Variants in RAB3C observed in about 807,000 individuals in gnomAD.
RAB3C encodes RAB3C, member RAS oncogene family.
RAB3C carries 17 observed loss-of-function variants against 26.4 expected under a neutral mutation model. That is an observed-to-expected ratio of 0.64 (90% CI 0.44 to 0.97). The LOEUF (loss-of-function observed/expected upper bound fraction) is 0.97, where lower values mean the gene tolerates loss of function less well. Among genes scored for constraint, RAB3C ranks in the 50% least tolerant of loss-of-function variants. The pLI, the probability that RAB3C is intolerant of heterozygous loss-of-function variation, is 0.00. For synonymous variants in RAB3C, 91 were observed against 95.9 expected (o/e 0.95, Z 0.30); for missense variants, 242 against 281.9 (o/e 0.86, Z 1.01).
At chr5:58,785,517 C>A (rs1220368829) in intron 3 of RAB3C, among the ~76,000 whole-genome samples, 1 of 152,164 alleles carries the variant, frequency 6.6e-6, no homozygotes, top group Non-Finnish European at 1.5e-5. Context: ...GAATCAATCA[C>A]CTAAGGATCT....
At chr5:58,849,484 G>A (rs751432268) in intron 4 of RAB3C, among the ~76,000 whole-genome samples, 2 of 152,122 alleles carry the variant, frequency 1.3e-5, no homozygotes, top group Non-Finnish European at 2.9e-5. Context: ...TCTAAAGACT[G>A]CACAAACATT....
intron 2 of RAB3C, among the ~76,000 whole-genome samples, chr5:58,692,945 TA>T (rs1403888462): frequency 1.3e-5 from 2 of 151,700 alleles, no homozygotes; most frequent in Non-Finnish European, 2.9e-5. Context: ...CCTTCTCTAC[TA>T]AAAATACAAA....
At chr5:58,666,722 C>T (rs1157927591) in intron 2 of RAB3C, among the ~76,000 whole-genome samples, 1 of 152,180 alleles carries the variant, frequency 6.6e-6, no homozygotes, top group Non-Finnish European at 1.5e-5. Context: ...GCGGTCAGGG[C>T]AGGAAGGCCT....
At chr5:58,708,508 G>A (rs547863394) in intron 2 of RAB3C, among the ~76,000 whole-genome samples, 4 of 152,302 alleles carry the variant, frequency 2.6e-5, no homozygotes, top group Middle Eastern at 6.8e-3. Flanking sequence ...GTGGCACCCA[G>A]CTGGAGAAGT....
At chr5:58,744,804 C>G (rs1741358633) in intron 3 of RAB3C, among the ~76,000 whole-genome samples, 1 of 152,172 alleles carries the variant, frequency 6.6e-6, no homozygotes, top group African/African-American at 2.4e-5. Flanking sequence ...TCTATTCAAC[C>G]AACAAGGGAT....
intron 2 of RAB3C, among the ~76,000 whole-genome samples, chr5:58,658,898 T>A (rs1747839070): frequency 6.6e-6 from 1 of 152,128 alleles, no homozygotes; most frequent in Non-Finnish European, 1.5e-5. Flanking sequence ...CTTCTTAAGA[T>A]CTAGACTCAG....
intron 3 of RAB3C, 27 bp downstream of exon 3, chr5:58,726,147 C>A: frequency 8.6e-7 from 1 of 1,158,776 alleles, no homozygotes; most frequent in Non-Finnish European, 1.3e-6. Flanking sequence ...ACTCTTATTA[C>A]TGATAATGAT....
intron 2 of RAB3C, among the ~76,000 whole-genome samples, chr5:58,673,769 G>GTA (rs1285426052): frequency 2.0e-5 from 3 of 152,140 alleles, no homozygotes; most frequent in Non-Finnish European, 4.4e-5. Context: ...TACTTTTTGT[G>GTA]TATCTGCATG....
chr5:58,769,893 T>C (rs563358761), intron 3 of RAB3C, among the ~76,000 whole-genome samples: 1 of 152,252 alleles, frequency 6.6e-6, no homozygotes, highest in African/African-American at 2.4e-5. Context: ...CTAAGTCACA[T>C]GCGAAAACGT....
At chr5:58,705,768 T>C (rs1748931045) in intron 2 of RAB3C, among the ~76,000 whole-genome samples, 1 of 152,184 alleles carries the variant, frequency 6.6e-6, no homozygotes, top group South Asian at 2.1e-4. Flanking sequence ...CCTCCCTCTG[T>C]CTTTCTTTAG....
At chr5:58,681,363 A>C (rs561310057) in intron 2 of RAB3C, among the ~76,000 whole-genome samples, 2 of 152,328 alleles carry the variant, frequency 1.3e-5, no homozygotes, top group Admixed American at 1.3e-4. Context: ...AAGGAAATGA[A>C]ACTGGTACTA....
chr5:58,675,872 G>T (rs933512579), intron 2 of RAB3C, among the ~76,000 whole-genome samples: 6 of 151,774 alleles, frequency 4.0e-5, no homozygotes, highest in African/African-American at 1.5e-4. Flanking sequence ...TTCCCCTCTG[G>T]TCTCCTGGGT....
In RAB3C at chr5:58,825,158, G is replaced by T; in HGVS notation, c.492G>T (p.Gln164His). ...STERGQHLGE[Q>H]LGFEFFETSA... ...AGCGAGGTCAACATTTAGGAGAACA[G>T]CTTGGTAAGAAACAAATTAATAAGT... Residue 164 changes from glutamine (Q) to histidine (H), a missense_variant, in exon 4 of 5, where the codon CAG (glutamine) becomes CAT (histidine). By Grantham distance (24) the Gln-to-His change is conservative (BLOSUM62 0). Coordinates refer to ENST00000282878, the MANE Select transcript of RAB3C (RefSeq NM_138453.4). The T allele has an allele frequency of 1.2e-6, 2 of 1,609,772 alleles. No homozygotes were observed. Among genetic ancestry groups the T allele is most frequent in the South Asian group, 1.1e-5 (1 of 90,282 alleles).
chr5:58,811,058 G>GGTAATATGTCTTTCC (rs1743076174), intron 3 of RAB3C, among the ~76,000 whole-genome samples: 2 of 152,156 alleles, frequency 1.3e-5, no homozygotes, highest in African/African-American at 4.8e-5. Flanking sequence ...TCTGAACTGA[G>GGTAATATGTCTTTCC]CATAGGGTTT....
intron 2 of RAB3C, among the ~76,000 whole-genome samples, chr5:58,637,828 C>T (rs1279507476): frequency 1.3e-5 from 2 of 151,932 alleles, no homozygotes; most frequent in African/African-American, 4.8e-5. Context: ...CCGATTTTTC[C>T]CTATATATAT....
chr5:58,711,158 G>A (rs770334935), intron 2 of RAB3C, among the ~76,000 whole-genome samples: 1 of 152,206 alleles, frequency 6.6e-6, no homozygotes, highest in Non-Finnish European at 1.5e-5. Context: ...GCGAAAAGGA[G>A]AGCATGTGAA....
intron 1 of RAB3C, among the ~76,000 whole-genome samples, chr5:58,596,568 T>A (rs1746261357): frequency 1.6e-5 from 2 of 126,398 alleles, no homozygotes; most frequent in South Asian, 2.2e-4. Flanking sequence ...ATATTATATA[T>A]AAATATATAA....
intron 3 of RAB3C, among the ~76,000 whole-genome samples, chr5:58,755,477 C>CCCAAATATGTGATGTTTGGTTT (rs1741635070): frequency 6.6e-6 from 1 of 152,142 alleles, no homozygotes; most frequent in Admixed American, 6.5e-5. Flanking sequence ...TGTCTGAATA[C>CCCAAATATGTGATGTTTGGTTT]TGAAGTGAGT....
At chr5:58,666,453 T>C (rs1469531362) in intron 2 of RAB3C, among the ~76,000 whole-genome samples, 1 of 152,240 alleles carries the variant, frequency 6.6e-6, no homozygotes, top group Non-Finnish European at 1.5e-5. Context: ...GGACAGTCTT[T>C]CTCAAATTTG....
Sources: gnomAD v4.1 joint callset for allele counts (sites outside exome capture counted in the v4.1 genomes callset) on GRCh38, gnomAD v4.1.1 for gene constraint, MANE v1.5 for transcripts, NCBI Gene and HGNC (gene_info 2026-07-23, HGNC 2026-07-21) for gene names.